The following NKAIN2 variants were observed in gnomAD, a reference collection of about 807,000 sequenced individuals.
NKAIN2 encodes sodium/potassium transporting ATPase interacting 2, also known as sodium/potassium-transporting ATPase subunit beta-1-interacting protein 2.
NKAIN2 carries 14 observed loss-of-function variants against 32.6 expected under a neutral mutation model. The ratio of observed to expected loss-of-function variants is 0.43; its 90% CI spans 0.28 to 0.67. The LOEUF is 0.67. Ranked by LOEUF, NKAIN2 falls within the 30% of genes least tolerant of loss-of-function variation. The pLI, the probability that NKAIN2 is intolerant of heterozygous loss-of-function variation, is 0.17. For synonymous variants in NKAIN2, 80 were observed against 87.2 expected, an observed-to-expected ratio of 0.92 and a Z score of 0.46; for missense variants, 198 against 258.3, an observed-to-expected ratio of 0.77 and a Z score of 1.60.
At chr6:124,290,484 A>G (rs550412820) in intron 2 of NKAIN2, among the ~76,000 whole-genome samples, 1 of 149,918 alleles carries the variant, frequency 6.7e-6, no homozygotes, top group Non-Finnish European at 1.5e-5. Flanking sequence ...TCATCTCTTT[A>G]TAGTTCTTCT....
chr6:123,893,264 G>T (rs1037938198), intron 1 of NKAIN2, among the ~76,000 whole-genome samples: 2 of 152,082 alleles, frequency 1.3e-5, no homozygotes, highest in African/African-American at 4.8e-5. Flanking sequence ...ACAGTGGTGG[G>T]ATCATATTTC....
At chr6:124,282,373 C>T (rs754624422) in intron 1 of NKAIN2, 9 of 274,790 alleles carry the variant, frequency 3.3e-5, no homozygotes, top group Non-Finnish European at 6.3e-5. Context: ...TATGACAAAA[C>T]ATCATATTTG....
intron 2 of NKAIN2, among the ~76,000 whole-genome samples, chr6:124,323,790 T>C (rs1226718743): frequency 2.0e-5 from 3 of 146,904 alleles, no homozygotes; most frequent in African/African-American, 2.5e-5. Flanking sequence ...TTTTCTTTTT[T>C]TTTTTTTTTT....
intron 2 of NKAIN2, among the ~76,000 whole-genome samples, chr6:124,298,283 T>C (rs1206705980): frequency 4.6e-5 from 7 of 152,210 alleles, no homozygotes; most frequent in Non-Finnish European, 8.8e-5. Context: ...TATAACCATG[T>C]TTTGTGTAGC....
intron 3 of NKAIN2, among the ~76,000 whole-genome samples, chr6:124,453,538 T>A (rs1776200752): frequency 6.6e-6 from 1 of 150,756 alleles, no homozygotes. Flanking sequence ...CATTTTTACC[T>A]AAATGTTTCA....
intron 4 of NKAIN2, among the ~76,000 whole-genome samples, chr6:124,675,304 T>G (rs540651226): frequency 6.6e-6 from 1 of 152,206 alleles, no homozygotes; most frequent in African/African-American, 2.4e-5. Flanking sequence ...CTAGTATTTG[T>G]TGAAGATGTA....
intron 4 of NKAIN2, among the ~76,000 whole-genome samples, chr6:124,724,909 T>G (rs1016641988): frequency 6.6e-6 from 1 of 152,224 alleles, no homozygotes; most frequent in Admixed American, 6.5e-5. Context: ...CCCTAAATTC[T>G]TCTAGTTCCA....
At chr6:123,925,030 C>T (rs1775943104) in intron 1 of NKAIN2, among the ~76,000 whole-genome samples, 1 of 151,762 alleles carries the variant, frequency 6.6e-6, no homozygotes, top group South Asian at 2.1e-4. Context: ...TGTTTATGTA[C>T]CAGAATACAA....
intron 4 of NKAIN2, among the ~76,000 whole-genome samples, chr6:124,743,468 A>T (rs1174745457): frequency 6.6e-6 from 1 of 151,844 alleles, no homozygotes; most frequent in Non-Finnish European, 1.5e-5. Flanking sequence ...ATTGCCATTT[A>T]TTCTACAGTG....
intron 1 of NKAIN2, among the ~76,000 whole-genome samples, chr6:124,213,226 A>C (rs759118700): frequency 3.0e-4 from 46 of 152,044 alleles, no homozygotes; most frequent in Non-Finnish European, 6.3e-4. Flanking sequence ...TATCATAGTA[A>C]TTTACATATC....
intron 1 of NKAIN2, among the ~76,000 whole-genome samples, chr6:124,194,826 T>C (rs144976901): frequency 2.1e-3 from 323 of 152,248 alleles, no homozygotes; most frequent in African/African-American, 7.2e-3. Flanking sequence ...TAAGCTGTCA[T>C]GCCATGGACT....
At chr6:124,735,813 G>T (rs1372193877) in intron 4 of NKAIN2, among the ~76,000 whole-genome samples, 6 of 151,734 alleles carry the variant, frequency 4.0e-5, no homozygotes, top group Non-Finnish European at 1.5e-5. Context: ...TATGTGTTCT[G>T]ACTGCTCAAT....
At chr6:123,813,839 A>G (rs1773580484) in intron 1 of NKAIN2, among the ~76,000 whole-genome samples, 1 of 151,290 alleles carries the variant, frequency 6.6e-6, no homozygotes, top group South Asian at 2.1e-4. Context: ...TAGGTGGTAT[A>G]TAAAGAGCTC....
rs189536740 is a variant in NKAIN2 at position 124,664,852 on chromosome 6, G to C, written c.474+6466G>C. On this transcript the variant is annotated intron_variant, in intron 4 of 6. Transcript: ENST00000368417. Reference sequence around the variant, plus strand: ...AAAAATTTCAAGTTAAAAAACATTAGCACAAGCAGTGGAGTTCACAAAGAG... The same window carrying C: ...AAAAATTTCAAGTTAAAAAACATTACCACAAGCAGTGGAGTTCACAAAGAG... Among the ~76,000 whole-genome samples, 448 of 117,572 alleles carry C rather than the reference G, an allele frequency of 3.8e-3. 2 individuals are homozygous for C. The highest frequency in any genetic ancestry group is 3.8e-3 in the South Asian group (13 of 3,442). The allele number at this position is 117,572 out of a possible 152,430, so 77.1% of individuals were successfully genotyped here.
At chr6:124,237,381 T>TGA (rs971088697) in intron 1 of NKAIN2, among the ~76,000 whole-genome samples, 1 of 152,052 alleles carries the variant, frequency 6.6e-6, no homozygotes, top group African/African-American at 2.4e-5. Flanking sequence ...TTGTTTTTTT[T>TGA]GAGAGAGAGA....
chr6:124,380,234 GA>G (rs1333747803), intron 3 of NKAIN2, among the ~76,000 whole-genome samples: 3 of 152,072 alleles, frequency 2.0e-5, no homozygotes, highest in Non-Finnish European at 4.4e-5. Context: ...TTAGGTTCGG[GA>G]TTTCCTTAAG....
At chr6:124,239,438 A>G (rs1173341643) in intron 1 of NKAIN2, among the ~76,000 whole-genome samples, 1 of 152,176 alleles carries the variant, frequency 6.6e-6, no homozygotes, top group South Asian at 2.1e-4. Context: ...TTAACAGAAT[A>G]TACATTCTTC....
chr6:124,420,585 A>G (rs1774702097), intron 3 of NKAIN2, among the ~76,000 whole-genome samples: 1 of 152,146 alleles, frequency 6.6e-6, no homozygotes, highest in Admixed American at 6.6e-5. Flanking sequence ...GTAGAAGCTC[A>G]TTATCTGCAC....
chr6:124,521,682 G>A (rs1052463697), intron 3 of NKAIN2, among the ~76,000 whole-genome samples: 3 of 152,070 alleles, frequency 2.0e-5, no homozygotes, highest in African/African-American at 4.8e-5. Flanking sequence ...CTTTTCATGC[G>A]TAATTGATGG....
Sources: gnomAD v4.1 joint callset for allele counts (sites outside exome capture counted in the v4.1 genomes callset) on GRCh38, gnomAD v4.1.1 for gene constraint, MANE v1.5 for transcripts, NCBI Gene and HGNC (gene_info 2026-07-23, HGNC 2026-07-21) for gene names.